MMEL1: variants seen among roughly 807,000 people sequenced by gnomAD.
MMEL1 encodes membrane metallo-endopeptidase-like 1.
A neutral mutation model predicts 117.1 loss-of-function variants in MMEL1; 98 were observed. The observed-to-expected ratio is 0.84, with a 90% CI of 0.71 to 0.99. MMEL1 has a LOEUF of 0.99. Among genes scored for constraint, MMEL1 ranks in the 50% least tolerant of loss-of-function variants. The probability of loss-of-function intolerance (pLI) is 0.00; values close to 1 mark genes in which losing one functional copy is unlikely to be tolerated. For missense variants in MMEL1, 1,014 were observed against 1,049.1 expected (o/e 0.97, Z 0.46); for synonymous variants, 390 against 415.1 (o/e 0.94, Z 0.74).
intron 11 of MMEL1, among the ~76,000 whole-genome samples, chr1:2,600,743 T>C (rs1302636296): frequency 6.6e-6 from 1 of 152,184 alleles, no homozygotes; most frequent in Non-Finnish European, 1.5e-5. Flanking sequence ...AATGATATGA[T>C]TTTGTTTATT....
rs1645344827 is a variant in MMEL1, at chr1:2,624,862, T to C, written c.154+4469A>G. ...GTACAGGAAGCGTGGCTAGGACGCC[T>C]GAGGAAGCTTACAATCATGGCAGAA... On this transcript the variant is annotated intron_variant, in intron 2 of 23. Coordinates refer to ENST00000378412, the MANE Select transcript of MMEL1 (RefSeq NM_033467.4). Among the ~76,000 whole-genome samples, 3 of 152,234 alleles carry C rather than the reference T, an allele frequency of 2.0e-5. No homozygotes were observed. In the South Asian group the frequency reaches 6.2e-4, roughly 32 times the overall value.
At position 2,598,236 on chromosome 1, in the gene MMEL1, A is replaced by T. The variant is rs1330625736; in HGVS notation, c.1243T>A (p.Phe415Ile). Reference protein sequence around the residue: ...LDRIGSLSQRFKDTRVNYRKA... With the variant: ...LDRIGSLSQRIKDTRVNYRKA... ...CGGTAGTTCACTCGTGTGTCCTTGA[A>T]TCTCTGGCTTAGGCTACCAATGCGG... The change falls in exon 13 of 24, where the codon TTC becomes ATC. Residue 415 changes from phenylalanine (F) to isoleucine (I), a missense_variant. Transcript: ENST00000378412. 6.2e-7 allele frequency: 1 copy of T among 1,613,976 alleles called. No individual in the cohort carries two copies. The highest frequency in any genetic ancestry group is 1.1e-5 in the South Asian group (1 of 91,078).
rs1043598514 is a variant in MMEL1 at position 2,590,913 on chromosome 1, C to T, written c.*77G>A. On this transcript the variant is annotated 3_prime_UTR_variant, in exon 24 of 24. Transcript: ENST00000378412. ...GGCCGGGGCGGGACGTACACTGGGT[C>T]GCCGCTAGCTGCACCTTCGCACAGA... is the stretch of plus-strand genomic sequence containing the variant. 19 of 1,160,332 alleles carry T rather than the reference C, an allele frequency of 1.6e-5. No individual in the cohort carries two copies. Among genetic ancestry groups the T allele is most frequent in the Middle Eastern group, 6.1e-4 (2 of 3,278 alleles). The allele number at this position is 1,160,332 out of a possible 1,614,324, so 71.9% of individuals were successfully genotyped here.
At chr1:2,632,687 C>T (rs572796848) in intron 1 of MMEL1, 179 bp downstream of exon 1, 13 of 197,720 alleles carry the variant, frequency 6.6e-5, no homozygotes, top group Admixed American at 3.9e-4. Flanking sequence ...TAAGATAAAC[C>T]GTATGCCAGA....
At position 2,603,932 on chromosome 1, in the gene MMEL1, C is replaced by T. The variant is rs751464434; in HGVS notation, c.993G>A (p.Leu331=). 5 of 1,613,952 alleles carry T rather than the reference C, an allele frequency of 3.1e-6. No homozygotes were observed. The highest frequency in any genetic ancestry group is 1.7e-5 in the Admixed American group (1 of 60,024). ...PQEERHDVIA[L]YHRMGLEELQ... is the part of the protein sequence containing the mutation. ...GCTCCTCCAGTCCCATCCGGTGGTA[C>T]AAGGCGATGACGTCGTGTCTCTCCT... Residue 331 remains leucine, a synonymous_variant, in exon 11 of 24, where the codon TTG becomes TTA. Transcript: ENST00000378412.
intron 17 of MMEL1, 25 bp downstream of exon 17, chr1:2,594,765 A>G: frequency 6.6e-7 from 1 of 1,512,740 alleles, no homozygotes; most frequent in Non-Finnish European, 9.2e-7. Context: ...CCCCCCGCCC[A>G]TGCCGCACCA....
In MMEL1 at chr1:2,596,102, TCTGACCTGGGAATCGGGCATG is replaced by T; in HGVS notation, c.1402-16_1406del. 2 of 1,613,766 alleles carry T rather than the reference TCTGACCTGGGAATCGGGCATG, an allele frequency of 1.2e-6. No individual in the cohort carries two copies. The highest frequency in any genetic ancestry group is 3.3e-5 in the Admixed American group (2 of 60,012). On this transcript the variant is annotated splice_acceptor_variant and splice_polypyrimidine_tract_variant and coding_sequence_variant and intron_variant, in exon 15 of 24. Transcript: ENST00000378412. LOFTEE classifies it high-confidence loss of function. ...CTGTCCGCACCTTGTCAATGAGTTCTCTGACCTGGGAATCGGGCATGGCCCTCGTGTCCCAGACTCATCTGG... is the reference window on the plus strand; with the variant it reads ...CTGTCCGCACCTTGTCAATGAGTTCTGCCCTCGTGTCCCAGACTCATCTGG...
rs754015111 is a variant in MMEL1, at chr1:2,602,628, G to A, written c.1041+1256C>T. Among the ~76,000 whole-genome samples, 4 of 152,162 alleles carry A rather than the reference G, an allele frequency of 2.6e-5. No homozygotes were observed. The South Asian group carries it at 8.3e-4, about 32-fold the overall frequency. ...CACTCTTACTTGTGAACCAGGTCAC[G>A]TCCTGTCATACCCCCACTCCTCTCG... On this transcript the variant is annotated intron_variant, in intron 11 of 23. Coordinates refer to ENST00000378412, the MANE Select transcript of MMEL1 (RefSeq NM_033467.4).
Position 2,593,931 on chromosome 1 carries a change from A to G in MMEL1, c.1750T>C (p.Phe584Leu), listed in dbSNP as rs772961806. The change falls in exon 19 of 24, where the codon TTC becomes CTC. Residue 584 changes from phenylalanine (F) to leucine (L), a missense_variant and splice_region_variant. Transcript: ENST00000378412. ...GGGGGCTGGAGGATCCCGGCAGGGAATACTGTCCCCAAGGGCGGGACAAAG... is the reference window on the plus strand; with the variant it reads ...GGGGGCTGGAGGATCCCGGCAGGGAGTACTGTCCCCAAGGGCGGGACAAAG... The part of the protein sequence containing the change: ...FYSPNRNQIV[F>L]PAGILQPPFF... 6.2e-7 allele frequency: 1 copy of G among 1,604,080 alleles called. No homozygotes were observed.
chr1:2,627,086 C>A (rs910210647), intron 2 of MMEL1, among the ~76,000 whole-genome samples: 3 of 152,256 alleles, frequency 2.0e-5, no homozygotes, highest in African/African-American at 7.2e-5. Flanking sequence ...GTACTCATGT[C>A]AGGCTCAACA....
At chr1:2,597,087 G>A (rs1288084156) in intron 13 of MMEL1, among the ~76,000 whole-genome samples, 1 of 152,008 alleles carries the variant, frequency 6.6e-6, no homozygotes, top group Non-Finnish European at 1.5e-5. Context: ...CCAGGGCCCT[G>A]GTCTCTCCAT....
intron 11 of MMEL1, 104 bp from the exon 12 acceptor site, chr1:2,598,894 AAG>A: frequency 1.1e-6 from 1 of 945,150 alleles, no homozygotes; most frequent in Non-Finnish European, 1.5e-6. Flanking sequence ...TTCAAGGAAT[AAG>A]AGAGAAGTGC....
At chr1:2,620,629 T>C (rs2100960288) in intron 2 of MMEL1, among the ~76,000 whole-genome samples, 1 of 152,136 alleles carries the variant, frequency 6.6e-6, no homozygotes. Flanking sequence ...GTGGGGGGCA[T>C]AATCTGGTAA....
rs1046780137 is a variant in MMEL1 at position 2,629,341 on chromosome 1, G to A, written c.144C>T (p.Ala48=). The stretch of plus-strand genomic sequence containing the variant: ...GGCACCCGCACTCACCTCTGCGGTC[G>A]GCGTAGAGGACACCCAAGGCCACCA... ...AALVALGVLY[A]DRRGKQLPRL... is the part of the protein sequence containing the mutation. The change falls in exon 2 of 24, where the codon GCC becomes GCT. Residue 48 remains alanine, a synonymous_variant. Coordinates refer to ENST00000378412, the MANE Select transcript of MMEL1 (RefSeq NM_033467.4). The A allele has an allele frequency of 2.3e-5, 35 of 1,538,230 alleles. No homozygotes were observed. The East Asian group carries it at 8.4e-4, about 37-fold the overall frequency.
At chr1:2,609,205 C>A in intron 6 of MMEL1, 134 bp downstream of exon 6, 1 of 823,880 alleles carries the variant, frequency 1.2e-6, no homozygotes, top group South Asian at 1.6e-5. Flanking sequence ...CACATAGACC[C>A]TCTGGCATGA....
At position 2,602,741 on chromosome 1, in the gene MMEL1, T is replaced by A. The variant is rs1006650417; in HGVS notation, c.1041+1143A>T. Among the ~76,000 whole-genome samples the A allele has an allele frequency of 1.5e-3, 224 of 152,322 alleles. 5 individuals carry two copies. The highest frequency in any genetic ancestry group is 5.8e-4 in the East Asian group (3 of 5,178). On this transcript the variant is annotated intron_variant, in intron 11 of 23. Coordinates refer to ENST00000378412, the MANE Select transcript of MMEL1 (RefSeq NM_033467.4). ...CTACTCCATCTCTCTCTAGCCCCGG[T>A]GCTCATTAGCTGGGAGTCCCTGCCC...
Position 2,611,318 on chromosome 1 carries a change from C to T in MMEL1, c.255G>A (p.Val85=), listed in dbSNP as rs1482385446. ...KPRGIPEAQE[V]SEVCTTPGCV... ...AGCCAGGGGTGGTGCAGACCTCGCT[C>T]ACCTCTTGGGCCTCTGGGATCCCTG... Residue 85 remains valine, a synonymous_variant, in exon 4 of 24, where the codon GTG becomes GTA. Coordinates refer to ENST00000378412, the MANE Select transcript of MMEL1 (RefSeq NM_033467.4). 2.6e-6 allele frequency: 4 copies of T among 1,563,736 alleles called. No homozygotes were observed. In the South Asian group the frequency reaches 4.8e-5, roughly 19 times the overall value.
At chr1:2,600,884 C>T (rs1644921009) in intron 11 of MMEL1, among the ~76,000 whole-genome samples, 1 of 152,084 alleles carries the variant, frequency 6.6e-6, no homozygotes, top group Non-Finnish European at 1.5e-5. Flanking sequence ...AAACCAAACA[C>T]CTGTAATTTA....
rs1036872724 is a variant in MMEL1 at position 2,609,394 on chromosome 1, C to T, written c.480G>A (p.Lys160=). The change falls in exon 6 of 24, where the codon AAG becomes AAA. Residue 160 remains lysine (K), a synonymous_variant. Transcript: ENST00000378412. ...LKAVLENSTA[K]DRPAVEKART... ...TGGCCTTCTCCACAGCCGGCCGGTC[C>T]TTGGCAGTCGAATTCTCCAGCACCG... is the stretch of plus-strand genomic sequence containing the variant. 23 of 1,611,726 alleles carry T rather than the reference C, an allele frequency of 1.4e-5. No individual in the cohort carries two copies. Among genetic ancestry groups the T allele is most frequent in the Non-Finnish European group, 1.8e-5 (21 of 1,179,376 alleles).
Sources: gnomAD v4.1 joint callset for allele counts (sites outside exome capture counted in the v4.1 genomes callset) on GRCh38, gnomAD v4.1.1 for gene constraint, MANE v1.5 for transcripts, NCBI Gene and HGNC (gene_info 2026-07-23, HGNC 2026-07-21) for gene names.